The following CUBN variants were observed in gnomAD, a reference collection of about 807,000 sequenced individuals.
CUBN encodes cubilin.
In CUBN, 282 loss-of-function variants were observed where a neutral mutation model predicts 405.3. That is an observed-to-expected ratio of 0.70 (90% CI 0.63 to 0.77). The LOEUF is 0.77. Ranked by LOEUF, CUBN falls within the 30% of genes least tolerant of loss-of-function variation. CUBN has a pLI of 0.00. For synonymous variants in CUBN, 1,684 were observed against 1,617.0 expected (o/e 1.04, Z -0.99); for missense variants, 4,514 against 4,475.2 (o/e 1.01, Z -0.25).
intron 8 of CUBN, among the ~76,000 whole-genome samples, chr10:17,113,386 T>C (rs1406089460): frequency 1.3e-5 from 2 of 151,800 alleles, no homozygotes; most frequent in Admixed American, 6.6e-5. Context: ...TGCCTACCAA[T>C]GCACCCAGCA....
rs1289394882 is a variant in CUBN at position 17,054,314 on chromosome 10, A to C, written c.3140-6711T>G. On this transcript the variant is annotated intron_variant, in intron 22 of 66. Transcript: ENST00000377833. ...CCACTGCACTCCAGCCTGGGCAACGAGAGTGAAACTCCGTCTCAAAAAAAA... is the reference window on the plus strand; with the variant it reads ...CCACTGCACTCCAGCCTGGGCAACGCGAGTGAAACTCCGTCTCAAAAAAAA... Among the ~76,000 whole-genome samples, 3 of 136,386 alleles carry C rather than the reference A, an allele frequency of 2.2e-5. 1 individual carries two copies. Among genetic ancestry groups the C allele is most frequent in the Non-Finnish European group, 4.7e-5 (3 of 64,464 alleles). 89.5% of individuals were successfully genotyped at this position (136,386 alleles called of 152,430 possible).
Position 16,890,407 on chromosome 10 carries a change from C to T in CUBN, c.8719G>A (p.Ala2907Thr). The change falls in exon 55 of 67, where the codon GCA becomes ACA. Residue 2907 changes from alanine (A) to threonine (T), a missense_variant. By Grantham distance (58) the Ala-to-Thr change is moderately conservative. Transcript: ENST00000377833. The stretch of plus-strand genomic sequence containing the variant: ...GACGCGGAGAAGCCCTGAGCTGGTG[C>T]CTCCTGAGACTGGAAGACGGCAGTG... ...TFTAVFQSQE[A>T]PAQGFSASFV... 1 of 1,613,882 alleles carries T rather than the reference C, an allele frequency of 6.2e-7. No individual in the cohort carries two copies. The highest frequency in any genetic ancestry group is 2.2e-5 in the East Asian group (1 of 44,866).
chr10:16,826,741 C>T (rs909041481), intron 66 of CUBN, among the ~76,000 whole-genome samples: 2 of 152,060 alleles, frequency 1.3e-5, no homozygotes, highest in African/African-American at 2.4e-5. Context: ...CTCAGTGACT[C>T]GGTTTATACT....
intron 59 of CUBN, among the ~76,000 whole-genome samples, chr10:16,859,891 A>G (rs1839967404): frequency 6.6e-6 from 1 of 152,164 alleles, no homozygotes; most frequent in Admixed American, 6.5e-5. Flanking sequence ...TGGCATAGAT[A>G]GCACAAAAGA....
intron 36 of CUBN, 86 bp downstream of exon 36, chr10:16,947,149 T>A: frequency 7.2e-7 from 1 of 1,385,988 alleles, no homozygotes; most frequent in Non-Finnish European, 1.0e-6. Context: ...TCACGTACAC[T>A]ATGAGTTGCC....
intron 27 of CUBN, among the ~76,000 whole-genome samples, chr10:17,038,685 G>T (rs900503348): frequency 2.0e-5 from 3 of 152,208 alleles, no homozygotes. Context: ...TTCTGTGTGT[G>T]TGAGTTTTCT....
In CUBN at chr10:17,080,407, G is replaced by A. The variant is rs1300467728; in HGVS notation, c.2301+3864C>T. Among the ~76,000 whole-genome samples the A allele has an allele frequency of 2.6e-5, 4 of 152,248 alleles. No individual in the cohort carries two copies. The East Asian group carries it at 5.8e-4, about 22-fold the overall frequency. ...CTAGATTTCAGAAATAAAATTCAAT[G>A]TAAATTACTCCTTCCTGTCTTATTG... is the stretch of plus-strand genomic sequence containing the variant. On this transcript the variant is annotated intron_variant, in intron 17 of 66. Coordinates refer to ENST00000377833, the MANE Select transcript of CUBN (RefSeq NM_001081.4).
At chr10:16,928,078 T>C (rs1418688840) in intron 41 of CUBN, 79 bp downstream of exon 41, 4 of 1,519,832 alleles carry the variant, frequency 2.6e-6, no homozygotes, top group Non-Finnish European at 3.6e-6. Flanking sequence ...CCAAAAACAT[T>C]ATATTAGGAA....
chr10:16,954,607 TCCA>T (rs1228703559), intron 31 of CUBN, 59 bp from the exon 32 acceptor site: 6 of 1,576,950 alleles, frequency 3.8e-6, no homozygotes, highest in African/African-American at 1.3e-5. Context: ...AGGCCTGTAT[TCCA>T]CGAACTGTCT....
At chr10:16,888,943 C>T (rs745786304) in intron 55 of CUBN, among the ~76,000 whole-genome samples, 6 of 152,116 alleles carry the variant, frequency 3.9e-5, no homozygotes, top group Non-Finnish European at 7.4e-5. Flanking sequence ...GTACTTTACA[C>T]AATTAATGTT....
chr10:16,941,577 C>T lies in CUBN; in HGVS notation c.5343-1340G>A, dbSNP rs146208652. Among the ~76,000 whole-genome samples, 165 of 152,250 alleles carry T rather than the reference C, an allele frequency of 1.1e-3. 1 individual carries two copies. Among genetic ancestry groups the T allele is most frequent in the African/African-American group, 3.8e-3 (156 of 41,548 alleles). ...AAAATGAATAGGCTGCGTGTGGTAG[C>T]TCACAACCATAATCTCAGCACTTTG... is the stretch of plus-strand genomic sequence containing the variant. On this transcript the variant is annotated intron_variant, in intron 36 of 66. Coordinates refer to ENST00000377833, the MANE Select transcript of CUBN (RefSeq NM_001081.4).
At position 16,990,496 on chromosome 10, in the gene CUBN, A is replaced by C. The variant is rs886561652; in HGVS notation, c.4188T>G (p.Ser1396=). 1.2e-6 allele frequency: 2 copies of C among 1,614,070 alleles called. No individual in the cohort carries two copies. Among genetic ancestry groups the C allele is most frequent in the African/African-American group, 2.7e-5 (2 of 74,924 alleles). The change falls in exon 29 of 67, where the codon TCT becomes TCG. Residue 1396 remains serine (S), a synonymous_variant. Coordinates refer to ENST00000377833, the MANE Select transcript of CUBN (RefSeq NM_001081.4). ...WFVYGCGGEL[S]GATGSFSSPG... is the part of the protein sequence containing the mutation. ...GGCTGCTGAAGGAGCCTGTGGCCCC[A>C]GACAGCTCTCCACCACAACCTGTTA...
rs376316121 is a variant in CUBN at position 17,085,605 on chromosome 10, G to A, written c.2102C>T (p.Thr701Ile). The change falls in exon 16 of 67, where the codon ACA becomes ATA. Residue 701 changes from threonine (T) to isoleucine (I), a missense_variant. Transcript: ENST00000377833. ...SDQGFHITYLTSPSDLRCGGN... is the reference protein window; with the variant it reads ...SDQGFHITYLISPSDLRCGGN... ...ACTGGTAGGTTACTTACAAGGTGAT[G>A]TTAAGTAGGTGATATGGAAGCCTTG... 3 of 1,613,898 alleles carry A rather than the reference G, an allele frequency of 1.9e-6. No homozygotes were observed. Among genetic ancestry groups the A allele is most frequent in the African/African-American group, 2.7e-5 (2 of 74,920 alleles).
At chr10:16,867,380 C>T (rs1398199024) in intron 59 of CUBN, among the ~76,000 whole-genome samples, 2 of 152,142 alleles carry the variant, frequency 1.3e-5, no homozygotes, top group Non-Finnish European at 2.9e-5. Flanking sequence ...TTGTTCCTTC[C>T]CCCTCTCCTC....
At chr10:17,092,737 G>T (rs1412713405) in intron 14 of CUBN, among the ~76,000 whole-genome samples, 1 of 152,058 alleles carries the variant, frequency 6.6e-6, no homozygotes, top group Non-Finnish European at 1.5e-5. Context: ...TCAGTTCCAG[G>T]AATTGCCCAC....
intron 17 of CUBN, among the ~76,000 whole-genome samples, chr10:17,079,283 T>C (rs1835920094): frequency 6.8e-6 from 1 of 146,806 alleles, no homozygotes; most frequent in African/African-American, 2.5e-5. Flanking sequence ...TCACCCAAGC[T>C]GGAGTATAGT....
intron 32 of CUBN, 63 bp from the exon 33 acceptor site, chr10:16,952,452 C>A: frequency 3.0e-6 from 3 of 1,005,462 alleles, no homozygotes; most frequent in Non-Finnish European, 4.8e-6. Context: ...CCGTACAAAA[C>A]AATTATTTGA....
intron 32 of CUBN, among the ~76,000 whole-genome samples, chr10:16,952,998 C>T (rs1842959356): frequency 6.6e-6 from 1 of 152,044 alleles, no homozygotes; most frequent in South Asian, 2.1e-4. Flanking sequence ...ATGGGGTGCC[C>T]CAGGGATGTG....
chr10:17,090,613 T>A (rs1836233673), intron 14 of CUBN, among the ~76,000 whole-genome samples: 1 of 152,074 alleles, frequency 6.6e-6, no homozygotes, highest in Admixed American at 6.6e-5. Flanking sequence ...TTAAACACTG[T>A]AATTTGACTA....
Sources: gnomAD v4.1 joint callset for allele counts (sites outside exome capture counted in the v4.1 genomes callset) on GRCh38, gnomAD v4.1.1 for gene constraint, MANE v1.5 for transcripts, NCBI Gene and HGNC (gene_info 2026-07-23, HGNC 2026-07-21) for gene names.